Variants in ALG12 observed in about 807,000 individuals in gnomAD.
The protein encoded by ALG12 is dol-P-Man:Man(7)GlcNAc(2)-PP-Dol alpha-1,6-mannosyltransferase.
A neutral mutation model predicts 46.0 loss-of-function variants in ALG12; 36 were observed. The ratio of observed to expected loss-of-function variants is 0.78; its 90% CI spans 0.60 to 1.03. The LOEUF is 1.03. Ranked by LOEUF, ALG12 falls within the 50% of genes least tolerant of loss-of-function variation. The pLI, the probability that ALG12 is intolerant of heterozygous loss-of-function variation, is 0.00. For synonymous variants in ALG12, 326 were observed against 291.6 expected (o/e 1.12, Z -1.20); for missense variants, 599 against 633.5 (o/e 0.95, Z 0.58).
At chr22:49,888,962 A>G in the ALG12 span, 1 of 167,274 alleles carries the variant, frequency 6.0e-6, no homozygotes, top group Non-Finnish European at 1.5e-5. Flanking sequence ...ACCAGCTTGC[A>G]GTCCTGTGTT....
the ALG12 span, among the ~76,000 whole-genome samples, chr22:49,862,693 C>CTTTT: frequency 1.9e-4 from 11 of 59,012 alleles, 1 homozygote; most frequent in African/African-American, 5.0e-4. Context: ...TAAGTTTTTC[C>CTTTT]TTTTTTTTTT....
rs16445 is a variant in ALG12 at position 49,903,386 on chromosome 22, CCT to C, written c.*450_*451del. 0.095 allele frequency: 43,446 copies of C among 457,934 alleles called. 2,402 individuals carry two copies. Among genetic ancestry groups the C allele is most frequent in the South Asian group, 0.13 (8,226 of 64,402 alleles). The allele number at this position is 457,934 out of a possible 1,614,324, so 28.4% of individuals were successfully genotyped here. ...TGCGGCCGGGGCCACCATGGTCTCC[CCT>C]GAGAGGGGGTGCTGTCTTAGGTGCC... On this transcript the variant is annotated 3_prime_UTR_variant, in exon 10 of 10. Coordinates refer to ENST00000330817, the MANE Select transcript of ALG12 (RefSeq NM_024105.4).
the ALG12 span, among the ~76,000 whole-genome samples, chr22:49,892,080 CTG>C: frequency 6.7e-6 from 1 of 148,436 alleles, no homozygotes; most frequent in African/African-American, 2.5e-5. Context: ...CCCAGCTACT[CTG>C]GAGGCTGAGG....
At chr22:49,883,427 C>G in the ALG12 span, 1 of 451,132 alleles carries the variant, frequency 2.2e-6, no homozygotes, top group South Asian at 4.9e-5. Flanking sequence ...ACATTGTTGT[C>G]TACACCATGA....
chr22:49,887,181 C>G, the ALG12 span: 7 of 1,600,890 alleles, frequency 4.4e-6, no homozygotes, highest in Non-Finnish European at 6.0e-6. Flanking sequence ...AGTATTGAAA[C>G]TCACGACGGC....
the ALG12 span, among the ~76,000 whole-genome samples, chr22:49,866,505 T>A: frequency 1.3e-5 from 2 of 152,300 alleles, no homozygotes; most frequent in South Asian, 2.1e-4. Context: ...ATTTTACTTT[T>A]ATTTTTAGTG....
the ALG12 span, among the ~76,000 whole-genome samples, chr22:49,874,229 G>GT: frequency 6.6e-6 from 1 of 152,224 alleles, no homozygotes; most frequent in Non-Finnish European, 1.5e-5. Flanking sequence ...GAGCTGCACT[G>GT]TTTCCCGGAT....
intron 1 of ALG12, among the ~76,000 whole-genome samples, chr22:49,914,774 C>T (rs745378580): frequency 3.9e-5 from 6 of 152,384 alleles, no homozygotes; most frequent in East Asian, 1.9e-4. Context: ...CTTACTCTGT[C>T]ACCCAAGCTG....
the ALG12 span, among the ~76,000 whole-genome samples, chr22:49,880,402 C>A: frequency 2.0e-5 from 3 of 152,256 alleles, no homozygotes; most frequent in African/African-American, 7.2e-5. Flanking sequence ...TCCTCTCCCG[C>A]GCTCGGGACA....
In ALG12 at chr22:49,909,335, G is replaced by A; in HGVS notation, c.677C>T (p.Ala226Val). 1.9e-6 allele frequency: 3 copies of A among 1,614,196 alleles called. No individual in the cohort carries two copies. The highest frequency in any genetic ancestry group is 8.5e-7 in the Non-Finnish European group (1 of 1,180,036). The change falls in exon 6 of 10, where the codon GCT (alanine) becomes GTT (valine). Residue 226 changes from alanine (A) to valine (V), a missense_variant. Transcript: ENST00000330817. ...CTGCCGCCAAAAATAAGAGTCCACA[G>A]CAACCGTCAGTCCTGACAAAATAAA... ...AGILCLGLTV[A>V]VDSYFWRQLT...
downstream of ALG12, among the ~76,000 whole-genome samples, chr22:49,898,328 G>A (rs8135816): frequency 6.6e-6 from 1 of 151,800 alleles, no homozygotes; most frequent in Non-Finnish European, 1.5e-5. Flanking sequence ...TCAGATATGT[G>A]TTTCACAAAT....
Position 49,905,512 on chromosome 22 carries a change from TCTC to T in ALG12, c.993-1009_993-1007del, listed in dbSNP as rs753476438. Among the ~76,000 whole-genome samples the T allele has an allele frequency of 2.0e-5, 3 of 152,274 alleles. No homozygotes were observed. The highest frequency in any genetic ancestry group is 2.1e-4 in the South Asian group (1 of 4,822). On this transcript the variant is annotated intron_variant, in intron 7 of 9. Transcript: ENST00000330817. The surrounding 1 kb of genome is among the most constrained non-coding windows in gnomAD (Gnocchi z 4.9). ...ATTAGCGCCATCCCCTCCATGCTGT[TCTC>T]CTCATACCGAGTGAGTTCTCGAGAG...
In ALG12 at chr22:49,909,139, C is replaced by T. The variant is rs540109149; in HGVS notation, c.768+105G>A. ...GGGCTCCATCCTGACCCTGCAGCCA[C>T]GCTGCAGAGAAGGGAGAAGCAGCTG... On this transcript the variant is annotated intron_variant, in intron 6 of 9. Coordinates refer to ENST00000330817, the MANE Select transcript of ALG12 (RefSeq NM_024105.4). 1,198 of 1,200,496 alleles carry T rather than the reference C, an allele frequency of 1.0e-3. 14 individuals are homozygous for T. The highest frequency in any genetic ancestry group is 4.2e-4 in the Non-Finnish European group (338 of 806,258). 74.4% of individuals were successfully genotyped at this position (1,200,496 alleles called of 1,614,324 possible). A position where few individuals can be genotyped will look rare whatever the true frequency, so the allele number is the denominator to read the frequency against.
At position 49,903,513 on chromosome 22, in the gene ALG12, T is replaced by C. The variant is rs1439331637; in HGVS notation, c.*325A>G. On this transcript the variant is annotated 3_prime_UTR_variant, in exon 10 of 10. Coordinates refer to ENST00000330817, the MANE Select transcript of ALG12 (RefSeq NM_024105.4). ...GCCTCCTGGCAGACAGGTGCCTGGG[T>C]GAGCCCGCTGCTCCTGATTAGTCAT... 1 of 527,834 alleles carries C rather than the reference T, an allele frequency of 1.9e-6. No individual in the cohort carries two copies. The highest frequency in any genetic ancestry group is 4.9e-5 in the East Asian group (1 of 20,466). 32.7% of individuals were successfully genotyped at this position (527,834 alleles called of 1,614,324 possible).
the ALG12 span, among the ~76,000 whole-genome samples, chr22:49,864,509 G>A: frequency 6.6e-6 from 1 of 152,108 alleles, no homozygotes; most frequent in African/African-American, 2.4e-5. Context: ...CATCAAAGTC[G>A]AAAATGCACT....
In ALG12 at chr22:49,904,224, G is replaced by A. The variant is rs1302767193; in HGVS notation, c.1193C>T (p.Ala398Val). ...DVLLHIDVAAAQTGVSRFLQV... is the reference protein window; with the variant it reads ...DVLLHIDVAAVQTGVSRFLQV... ...GAGAAACCGAGACACACCTGTCTGG[G>A]CGGCTGCCACGTCAATGTGCAGAAG... The change falls in exon 9 of 10, where the codon GCC (alanine) becomes GTC (valine). Residue 398 changes from alanine (A) to valine (V), a missense_variant. Coordinates refer to ENST00000330817, the MANE Select transcript of ALG12 (RefSeq NM_024105.4). 6.2e-7 allele frequency: 1 copy of A among 1,614,146 alleles called. No homozygotes were observed. The highest frequency in any genetic ancestry group is 1.3e-5 in the African/African-American group (1 of 75,064).
the ALG12 span, among the ~76,000 whole-genome samples, chr22:49,879,969 G>T: frequency 2.0e-5 from 3 of 150,736 alleles, no homozygotes; most frequent in Non-Finnish European, 4.4e-5. Context: ...CCTGGTCAGA[G>T]GTGGTTTTCT....
chr22:49,913,794 C>T lies in ALG12; in HGVS notation c.-29G>A. On this transcript the variant is annotated 5_prime_UTR_variant, in exon 2 of 10. It adds an upstream start codon to the 5' untranslated region. Coordinates refer to ENST00000330817, the MANE Select transcript of ALG12 (RefSeq NM_024105.4). ...AGGCTTTCAGCTTCACGTACCTTCA[C>T]AGGCCAACAGTGCGAGACACCAGCC... 1.9e-6 allele frequency: 3 copies of T among 1,611,656 alleles called. No individual in the cohort carries two copies. Among genetic ancestry groups the T allele is most frequent in the Non-Finnish European group, 2.5e-6 (3 of 1,180,016 alleles).
intron 1 of ALG12, among the ~76,000 whole-genome samples, chr22:49,914,403 C>T (rs1056847319): frequency 5.9e-5 from 9 of 152,246 alleles, no homozygotes; most frequent in South Asian, 2.1e-4. Context: ...TGGACGCCTG[C>T]GCCGAACCCC....
Sources: gnomAD v4.1 joint callset for allele counts (sites outside exome capture counted in the v4.1 genomes callset) on GRCh38, gnomAD v4.1.1 for gene constraint, Gnocchi (gnomAD v3.1) non-coding constraint, MANE v1.5 for transcripts, NCBI Gene and HGNC (gene_info 2026-07-23, HGNC 2026-07-21) for gene names.